Variants in ACYP2 observed in about 807,000 individuals in gnomAD.
ACYP2 encodes acylphosphatase 2.
In ACYP2, 12 loss-of-function variants were observed where a neutral mutation model predicts 11.2. That is an observed-to-expected ratio of 1.08 (90% CI 0.69 to 1.74). ACYP2 has a LOEUF of 1.74. ACYP2 is among the 40% of genes most tolerant of loss of function. ACYP2 has a pLI of 0.00. For missense variants in ACYP2, 134 were observed against 101.9 expected (o/e 1.31, Z -1.35); for synonymous variants, 43 against 32.2 (o/e 1.33, Z -1.13).
intron 2 of ACYP2, among the ~76,000 whole-genome samples, chr2:54,037,839 G>A (rs1674994010): frequency 6.6e-6 from 1 of 152,178 alleles, no homozygotes; most frequent in Non-Finnish European, 1.5e-5. Context: ...CATATCAGAA[G>A]ATTGAAAATA....
chr2:54,299,288 G>T (rs1381689090), intron 6 of ACYP2, among the ~76,000 whole-genome samples: 6 of 152,020 alleles, frequency 3.9e-5, no homozygotes, highest in Non-Finnish European at 8.8e-5. Flanking sequence ...CAGATGCAAT[G>T]GTCACCCTAG....
intron 1 of ACYP2, among the ~76,000 whole-genome samples, chr2:53,971,514 A>AT (rs1324163967): frequency 2.6e-5 from 4 of 152,168 alleles, no homozygotes; most frequent in African/African-American, 7.2e-5. Context: ...AAAGAAGAAA[A>AT]TAGTTACTCG....
chr2:54,157,961 T>C (rs1028367200), intron 6 of ACYP2, among the ~76,000 whole-genome samples: 1 of 152,170 alleles, frequency 6.6e-6, no homozygotes, highest in African/African-American at 2.4e-5. Flanking sequence ...ACATTGTATA[T>C]AGGGAATTTG....
At chr2:54,090,628 C>T (rs1276530445) in intron 4 of ACYP2, among the ~76,000 whole-genome samples, 1 of 152,222 alleles carries the variant, frequency 6.6e-6, no homozygotes, top group African/African-American at 2.4e-5. Context: ...GAGACTCCGT[C>T]TCAAAACAAA....
chr2:54,278,523 G>C (rs545616465), intron 6 of ACYP2, among the ~76,000 whole-genome samples: 22 of 152,344 alleles, frequency 1.4e-4, no homozygotes, highest in African/African-American at 5.3e-4. Flanking sequence ...GGCTCAGCGA[G>C]TTGGAATAAT....
intron 2 of ACYP2, among the ~76,000 whole-genome samples, chr2:54,004,229 C>T (rs927181369): frequency 1.3e-5 from 2 of 151,900 alleles, no homozygotes; most frequent in Non-Finnish European, 2.9e-5. Context: ...TCAGGTGATC[C>T]GCCCACCTCG....
intron 6 of ACYP2, among the ~76,000 whole-genome samples, chr2:54,279,553 A>T (rs1320581427): frequency 6.6e-6 from 1 of 152,174 alleles, no homozygotes; most frequent in African/African-American, 2.4e-5. Context: ...AAAATAGCCA[A>T]CAGAATTCCC....
At chr2:54,131,369 G>C (rs1403713207) in intron 4 of ACYP2, among the ~76,000 whole-genome samples, 2 of 152,196 alleles carry the variant, frequency 1.3e-5, no homozygotes, top group Non-Finnish European at 2.9e-5. Context: ...ATAGATGGTG[G>C]AAGGGCTGCT....
intron 6 of ACYP2, among the ~76,000 whole-genome samples, chr2:54,151,991 C>T (rs1025446131): frequency 3.3e-5 from 5 of 152,040 alleles, no homozygotes; most frequent in Non-Finnish European, 7.4e-5. Context: ...ACACCCAATT[C>T]CCTAGGTCCC....
intron 2 of ACYP2, among the ~76,000 whole-genome samples, chr2:54,015,090 G>A (rs139754474): frequency 1.2e-3 from 176 of 152,276 alleles, no homozygotes; most frequent in African/African-American, 4.2e-3. Context: ...AGTCTTGCTG[G>A]GCGTGGTAGC....
At chr2:54,257,849 ATAGACC>A (rs1687624042) in intron 6 of ACYP2, among the ~76,000 whole-genome samples, 1 of 152,252 alleles carries the variant, frequency 6.6e-6, no homozygotes. Flanking sequence ...GAAAATCTAA[ATAGACC>A]TAGAGACAAT....
rs760777035 is a variant in ACYP2 at position 54,138,622 on chromosome 2, G to A, written c.295-17G>A. On this transcript the variant is annotated splice_polypyrimidine_tract_variant and intron_variant, in intron 5 of 6. Transcript: ENST00000607452. ...TTTGATGCTGCACTTTATTCTTCTT[G>A]TTTTTTCCTGAAACAGTATACAGAA... 1.0e-5 allele frequency: 16 copies of A among 1,593,584 alleles called. No homozygotes were observed. The highest frequency in any genetic ancestry group is 1.2e-5 in the Non-Finnish European group (14 of 1,165,728).
chr2:54,275,228 A>C (rs1573033909), intron 6 of ACYP2, among the ~76,000 whole-genome samples: 1 of 152,352 alleles, frequency 6.6e-6, no homozygotes, highest in East Asian at 1.9e-4. Flanking sequence ...TAAACCCTTA[A>C]ATTGTATGAA....
chr2:54,129,715 A>G (rs74831443), intron 4 of ACYP2, among the ~76,000 whole-genome samples: 3,968 of 149,794 alleles, frequency 0.026, 157 homozygotes, highest in African/African-American at 0.087. Context: ...GTAAAGTTCT[A>G]CTAGAATCAA....
intron 4 of ACYP2, among the ~76,000 whole-genome samples, chr2:54,120,469 C>A (rs537448105): frequency 1.3e-5 from 2 of 152,312 alleles, no homozygotes; most frequent in African/African-American, 4.8e-5. Flanking sequence ...TAATGACACT[C>A]CTAGAAATGC....
At chr2:54,128,777 C>T (rs1220159185) in intron 4 of ACYP2, among the ~76,000 whole-genome samples, 3 of 151,598 alleles carry the variant, frequency 2.0e-5, no homozygotes, top group South Asian at 2.1e-4. Context: ...TTAGGGCAAG[C>T]GTGGTACTAT....
intron 6 of ACYP2, among the ~76,000 whole-genome samples, chr2:54,182,191 C>A (rs908461171): frequency 2.0e-5 from 3 of 151,404 alleles, no homozygotes; most frequent in African/African-American, 7.3e-5. Context: ...TCCCGAGTAG[C>A]TGGGATTACA....
chr2:53,975,390 C>A lies in ACYP2; in HGVS notation c.62+1580C>A, dbSNP rs1163546896. On this transcript the variant is annotated intron_variant, in intron 2 of 6. Transcript: ENST00000607452. ...TGGAGAACACTATTGAAATGCTTCCCAGTGAGAAAGTTAGAAGACCTTTCT... is the reference window on the plus strand; with the variant it reads ...TGGAGAACACTATTGAAATGCTTCCAAGTGAGAAAGTTAGAAGACCTTTCT... 3.0e-5 allele frequency: 12 copies of A among 396,978 alleles called. No homozygotes were observed. In the East Asian group the frequency reaches 3.9e-4, roughly 13 times the overall value. The allele number at this position is 396,978 out of a possible 1,614,324, so 24.6% of individuals were successfully genotyped here. A position where few individuals can be genotyped will look rare whatever the true frequency, so the allele number is the denominator to read the frequency against.
At chr2:54,237,102 A>G (rs1034946468) in intron 6 of ACYP2, among the ~76,000 whole-genome samples, 1 of 152,184 alleles carries the variant, frequency 6.6e-6, no homozygotes, top group African/African-American at 2.4e-5. Flanking sequence ...TAATCTAGAG[A>G]TGATTTAAAA....
Sources: gnomAD v4.1 joint callset for allele counts (sites outside exome capture counted in the v4.1 genomes callset) on GRCh38, gnomAD v4.1.1 for gene constraint, MANE v1.5 for transcripts, NCBI Gene and HGNC (gene_info 2026-07-23, HGNC 2026-07-21) for gene names.